Variants in TMEM108 observed in about 807,000 individuals in gnomAD.
TMEM108 encodes transmembrane protein 108.
TMEM108 carries 12 observed loss-of-function variants against 35.1 expected under a neutral mutation model. The observed-to-expected ratio is 0.34, with a 90% CI of 0.22 to 0.55. The LOEUF (loss-of-function observed/expected upper bound fraction) is 0.55, where lower values mean the gene tolerates loss of function less well. TMEM108 is among the 20% of genes least tolerant of loss of function. TMEM108 has a pLI of 0.89. For synonymous variants in TMEM108, 287 were observed against 308.6 expected, an observed-to-expected ratio of 0.93 and a Z score of 0.73; for missense variants, 680 against 753.3, an observed-to-expected ratio of 0.90 and a Z score of 1.14.
intron 3 of TMEM108, among the ~76,000 whole-genome samples, chr3:133,291,280 CGTTT>C (rs968864022): frequency 6.8e-6 from 1 of 146,828 alleles, no homozygotes; most frequent in African/African-American, 2.5e-5. Context: ...CTGTTGTTGT[CGTTT>C]GTTTGTCTAT....
At position 133,380,365 on chromosome 3, in the gene TMEM108, G is replaced by C; in HGVS notation, c.654G>C (p.Gln218His). The change falls in exon 4 of 6, where the codon CAG (glutamine) becomes CAC (histidine). Residue 218 changes from glutamine to histidine, a missense_variant. Coordinates refer to ENST00000321871, the MANE Select transcript of TMEM108 (RefSeq NM_023943.4). This position sits in a 1 kb window ranked among gnomAD's most constrained non-coding sequence, Gnocchi z 5.3. ...AGCGGCCCCTGGGGAAAATCTTTCA[G>C]ATCTACAAGGGCAACTTCACAGGGT... ...GQKRPLGKIF[Q>H]IYKGNFTGSV... 1.2e-6 allele frequency: 2 copies of C among 1,613,844 alleles called. No homozygotes were observed. Among genetic ancestry groups the C allele is most frequent in the Non-Finnish European group, 1.7e-6 (2 of 1,179,832 alleles).
At chr3:133,122,649 G>A (rs1053641304) in intron 2 of TMEM108, among the ~76,000 whole-genome samples, 1 of 152,014 alleles carries the variant, frequency 6.6e-6, no homozygotes, top group African/African-American at 2.4e-5. Context: ...ACGGATCGAG[G>A]TCAGGAGATC....
At chr3:133,336,362 T>G (rs1267585877) in intron 3 of TMEM108, among the ~76,000 whole-genome samples, 2 of 151,924 alleles carry the variant, frequency 1.3e-5, no homozygotes, top group Non-Finnish European at 2.9e-5. Context: ...GAGGGAAGAG[T>G]TAAGAGAACT....
At chr3:133,139,791 G>T (rs997954419) in intron 2 of TMEM108, among the ~76,000 whole-genome samples, 1 of 152,172 alleles carries the variant, frequency 6.6e-6, no homozygotes, top group African/African-American at 2.4e-5. Context: ...TTGATGTTAG[G>T]CTGTCCTGAT....
intron 2 of TMEM108, among the ~76,000 whole-genome samples, chr3:133,078,483 C>A (rs1024736274): frequency 6.6e-6 from 1 of 152,056 alleles, no homozygotes; most frequent in Non-Finnish European, 1.5e-5. Flanking sequence ...AGCTGAGTGG[C>A]TAGGGTTAGA....
intron 4 of TMEM108, chr3:133,386,989 G>A: frequency 1.0e-6 from 1 of 986,510 alleles, no homozygotes; most frequent in Non-Finnish European, 1.2e-6. Context: ...GTCAGTGCTG[G>A]GAATATAGTA....
intron 2 of TMEM108, among the ~76,000 whole-genome samples, chr3:133,131,019 A>T (rs1192282817): frequency 6.6e-6 from 1 of 152,198 alleles, no homozygotes; most frequent in African/African-American, 2.4e-5. Flanking sequence ...TAAATTTTTC[A>T]TCATTTTTGA....
At chr3:133,205,736 T>C (rs932538525) in intron 2 of TMEM108, among the ~76,000 whole-genome samples, 2 of 152,204 alleles carry the variant, frequency 1.3e-5, no homozygotes, top group African/African-American at 4.8e-5. Flanking sequence ...TCACATTTTT[T>C]CATTCTTTTC....
chr3:133,363,487 C>T (rs75210407), intron 3 of TMEM108, among the ~76,000 whole-genome samples: 6,831 of 151,914 alleles, frequency 0.045, 187 homozygotes, highest in Non-Finnish European at 0.064. Context: ...TCACAGTTCA[C>T]CGCAGCCTCC....
chr3:133,082,472 C>T (rs1943825016), intron 2 of TMEM108, among the ~76,000 whole-genome samples: 1 of 152,170 alleles, frequency 6.6e-6, no homozygotes, highest in African/African-American at 2.4e-5. Flanking sequence ...ATAATAACAA[C>T]CATGAGCACA....
chr3:133,218,551 G>T (rs1278152177), intron 2 of TMEM108, among the ~76,000 whole-genome samples: 1 of 151,882 alleles, frequency 6.6e-6, no homozygotes, highest in Non-Finnish European at 1.5e-5. Flanking sequence ...TATGGCCTTT[G>T]TTGCATTGAG....
At chr3:133,386,865 G>A in intron 4 of TMEM108, 1 of 620,218 alleles carries the variant, frequency 1.6e-6, no homozygotes, top group Non-Finnish European at 2.0e-6. Flanking sequence ...GGGTGATCAA[G>A]ATCAATACTA....
chr3:133,377,380 A>T (rs1168254676), intron 3 of TMEM108, among the ~76,000 whole-genome samples: 1 of 152,228 alleles, frequency 6.6e-6, no homozygotes. Flanking sequence ...GGGGCACCAG[A>T]ATAACCCTGA....
chr3:133,261,739 T>A (rs1946627801), intron 3 of TMEM108, among the ~76,000 whole-genome samples: 1 of 152,216 alleles, frequency 6.6e-6, no homozygotes, highest in Non-Finnish European at 1.5e-5. Context: ...CAAGAAGCCA[T>A]GGTGGCTTTC....
intron 2 of TMEM108, among the ~76,000 whole-genome samples, chr3:133,053,416 T>G (rs1943429729): frequency 6.6e-6 from 1 of 152,190 alleles, no homozygotes; most frequent in Non-Finnish European, 1.5e-5. Flanking sequence ...GCCCCTAAAT[T>G]TGTGAGGTTA....
intron 2 of TMEM108, among the ~76,000 whole-genome samples, chr3:133,071,570 T>G (rs1438184046): frequency 2.0e-5 from 3 of 152,216 alleles, no homozygotes; most frequent in Admixed American, 1.3e-4. Context: ...TTTAATATTT[T>G]TCCTCACTTG....
chr3:133,260,790 TAGTC>T (rs1946612606), intron 3 of TMEM108, among the ~76,000 whole-genome samples: 1 of 151,586 alleles, frequency 6.6e-6, no homozygotes, highest in Non-Finnish European at 1.5e-5. Context: ...GTTGATTACA[TAGTC>T]AGGCAAGAAG....
intron 2 of TMEM108, among the ~76,000 whole-genome samples, chr3:133,067,835 A>G (rs1182060961): frequency 2.0e-5 from 3 of 152,292 alleles, no homozygotes; most frequent in East Asian, 1.9e-4. Context: ...AAGCTGGGTA[A>G]TTTATAAGGA....
chr3:133,247,114 C>T (rs1159733170), intron 3 of TMEM108: 4 of 152,154 alleles, frequency 2.6e-5, no homozygotes, highest in African/African-American at 7.2e-5. Flanking sequence ...TCAAATAAAA[C>T]CTTCAATCAC....
Sources: gnomAD v4.1 joint callset for allele counts (sites outside exome capture counted in the v4.1 genomes callset) on GRCh38, gnomAD v4.1.1 for gene constraint, Gnocchi (gnomAD v3.1) non-coding constraint, MANE v1.5 for transcripts, NCBI Gene and HGNC (gene_info 2026-07-23, HGNC 2026-07-21) for gene names.